The following CADM2 variants were observed in gnomAD, a reference collection of about 807,000 sequenced individuals.
The protein encoded by CADM2 is immunoglobulin superfamily member 4D.
CADM2 carries 12 observed loss-of-function variants against 49.8 expected under a neutral mutation model. The observed-to-expected ratio is 0.24, with a 90% confidence interval of 0.15 to 0.39. CADM2 has a LOEUF of 0.39. Among genes scored for constraint, CADM2 ranks in the 10% least tolerant of loss-of-function variants. CADM2 has a pLI of 1.00. For synonymous variants in CADM2, 214 were observed against 175.4 expected, an observed-to-expected ratio of 1.22 and a Z score of -1.74; for missense variants, 378 against 492.3, an observed-to-expected ratio of 0.77 and a Z score of 2.20.
At chr3:85,149,927 T>C (rs1355740655) in intron 1 of CADM2, among the ~76,000 whole-genome samples, 1 of 152,202 alleles carries the variant, frequency 6.6e-6, no homozygotes, top group African/African-American at 2.4e-5. Context: ...TTTCCCTCTA[T>C]TTTCACAGTC....
chr3:85,743,533 G>T (rs1016833424), intron 2 of CADM2, among the ~76,000 whole-genome samples: 2 of 152,090 alleles, frequency 1.3e-5, no homozygotes, highest in African/African-American at 4.8e-5. Flanking sequence ...AACTACAAGA[G>T]ACTCACAGAA....
intron 3 of CADM2, among the ~76,000 whole-genome samples, chr3:85,866,411 T>C (rs2075722709): frequency 6.6e-6 from 1 of 152,180 alleles, no homozygotes; most frequent in Non-Finnish European, 1.5e-5. Flanking sequence ...TATTCAAAGT[T>C]TCTAGAACAG....
At chr3:85,408,273 A>G (rs1254139453) in intron 1 of CADM2, among the ~76,000 whole-genome samples, 1 of 152,204 alleles carries the variant, frequency 6.6e-6, no homozygotes, top group Non-Finnish European at 1.5e-5. Context: ...GTATGTGTGG[A>G]CTTACATGTA....
At chr3:85,363,930 T>C (rs907084856) in intron 1 of CADM2, among the ~76,000 whole-genome samples, 5 of 152,206 alleles carry the variant, frequency 3.3e-5, no homozygotes, top group African/African-American at 1.2e-4. Flanking sequence ...CATCTTTATG[T>C]AGACAGTAGA....
At chr3:85,723,269 A>G (rs1260720157) in intron 1 of CADM2, among the ~76,000 whole-genome samples, 1 of 152,194 alleles carries the variant, frequency 6.6e-6, no homozygotes, top group Non-Finnish European at 1.5e-5. Context: ...AAATGGTGTC[A>G]TATCTAAAAC....
intron 1 of CADM2, among the ~76,000 whole-genome samples, chr3:85,347,015 G>C (rs957939073): frequency 1.3e-5 from 2 of 151,906 alleles, no homozygotes; most frequent in Non-Finnish European, 2.9e-5. Context: ...TTGACGTCAG[G>C]AGTTCAAGAC....
chr3:85,372,049 CTAGA>C (rs148787974), intron 1 of CADM2, among the ~76,000 whole-genome samples: 262 of 151,866 alleles, frequency 1.7e-3, no homozygotes, highest in African/African-American at 6.1e-3. Context: ...AGAAAAGTGC[CTAGA>C]TAATCTGCTG....
chr3:85,443,842 G>A (rs955844059), intron 1 of CADM2, among the ~76,000 whole-genome samples: 3 of 151,916 alleles, frequency 2.0e-5, no homozygotes, highest in Admixed American at 1.3e-4. Flanking sequence ...TCTATATGCC[G>A]GCAACACCCA....
At position 85,674,514 on chromosome 3, in the gene CADM2, G is replaced by A. The variant is rs113057511; in HGVS notation, c.62-52008G>A. 8.5e-4 allele frequency among the ~76,000 whole-genome samples: 129 copies of A among 152,242 alleles called. 1 individual carries two copies. The highest frequency in any genetic ancestry group is 2.9e-3 in the African/African-American group (119 of 41,574). On this transcript the variant is annotated intron_variant, in intron 1 of 9. Transcript: ENST00000383699. ...AAAGATGAAAAATTGCTATGAAAATGTTTGTGCTCTAGAGAGCTCTTTTCG... is the reference window on the plus strand; with the variant it reads ...AAAGATGAAAAATTGCTATGAAAATATTTGTGCTCTAGAGAGCTCTTTTCG...
intron 1 of CADM2, among the ~76,000 whole-genome samples, chr3:85,073,731 A>C (rs1291710352): frequency 6.6e-6 from 1 of 152,146 alleles, no homozygotes. Context: ...GTTTCAATAC[A>C]TAATTGAAAA....
intron 1 of CADM2, among the ~76,000 whole-genome samples, chr3:85,078,525 A>G (rs2037036428): frequency 6.6e-6 from 1 of 151,920 alleles, no homozygotes; most frequent in African/African-American, 2.4e-5. Flanking sequence ...TACATCATCA[A>G]TGTAAACTTT....
intron 8 of CADM2, chr3:85,979,334 T>C: frequency 7.0e-6 from 11 of 1,573,978 alleles, no homozygotes; most frequent in Non-Finnish European, 9.5e-6. Context: ...ACTGGAGCTC[T>C]GTAGAAGTTT....
At position 85,360,115 on chromosome 3, in the gene CADM2, T is replaced by C. The variant is rs375798437; in HGVS notation, c.62-366407T>C. Reference sequence around the variant, plus strand: ...ATTTTGGAAAATATCAAATAGAATGTCTTTGAATTTCTAGAATACAAGAGA... The same window carrying C: ...ATTTTGGAAAATATCAAATAGAATGCCTTTGAATTTCTAGAATACAAGAGA... On this transcript the variant is annotated intron_variant, in intron 1 of 9. Transcript: ENST00000383699. Among the ~76,000 whole-genome samples the C allele has an allele frequency of 1.2e-4, 19 of 152,060 alleles. No individual in the cohort carries two copies. The South Asian group carries it at 3.7e-3, about 30-fold the overall frequency.
intron 1 of CADM2, among the ~76,000 whole-genome samples, chr3:85,073,399 T>C (rs770975900): frequency 1.3e-5 from 2 of 152,154 alleles, no homozygotes; most frequent in Non-Finnish European, 1.5e-5. Context: ...CATGCTACAA[T>C]GTACATACAG....
chr3:85,336,986 AT>A (rs1193286678), intron 1 of CADM2, among the ~76,000 whole-genome samples: 11 of 103,632 alleles, frequency 1.1e-4, no homozygotes, highest in African/African-American at 3.5e-4. Context: ...TTTAATATAT[AT>A]ATATTTAATA....
chr3:85,147,282 A>C (rs2039777491), intron 1 of CADM2, among the ~76,000 whole-genome samples: 1 of 120,676 alleles, frequency 8.3e-6, no homozygotes, highest in African/African-American at 6.1e-5. Context: ...TCTCAAAAAA[A>C]AAAAAAAAAA....
intron 1 of CADM2, among the ~76,000 whole-genome samples, chr3:85,695,511 T>G (rs2066523006): frequency 6.6e-6 from 1 of 152,010 alleles, no homozygotes; most frequent in Admixed American, 6.6e-5. Context: ...TCCAATTTGC[T>G]GCAAGAGATA....
intron 8 of CADM2, among the ~76,000 whole-genome samples, chr3:86,052,627 G>A (rs543688177): frequency 1.3e-5 from 2 of 152,182 alleles, no homozygotes; most frequent in East Asian, 3.9e-4. Flanking sequence ...ATATTAACTT[G>A]TAAGGGCAGA....
chr3:85,143,955 A>C (rs958563938), intron 1 of CADM2, among the ~76,000 whole-genome samples: 1 of 152,142 alleles, frequency 6.6e-6, no homozygotes, highest in Admixed American at 6.6e-5. Flanking sequence ...ATTCATCTTC[A>C]GTTATACTCC....
Sources: gnomAD v4.1 joint callset for allele counts (sites outside exome capture counted in the v4.1 genomes callset) on GRCh38, gnomAD v4.1.1 for gene constraint, MANE v1.5 for transcripts, NCBI Gene and HGNC (gene_info 2026-07-23, HGNC 2026-07-21) for gene names.